The following TUBB1 variants were observed in gnomAD, a reference collection of about 807,000 sequenced individuals.
TUBB1 encodes tubulin beta 1 class VI.
In TUBB1, 28 loss-of-function variants were observed where a neutral mutation model predicts 22.6. The observed-to-expected ratio is 1.24, with a 90% CI of 0.92 to 1.70. TUBB1 has a LOEUF of 1.70. Among genes scored for constraint, TUBB1 ranks in the 40% most tolerant of loss-of-function variants. The pLI is 0.00. For missense variants in TUBB1, 577 were observed against 605.5 expected (o/e 0.95, Z 0.49); for synonymous variants, 226 against 238.0 (o/e 0.95, Z 0.46).
chr20:59,020,426 T>A (rs1027105027), intron 1 of TUBB1, among the ~76,000 whole-genome samples: 1 of 152,234 alleles, frequency 6.6e-6, no homozygotes, highest in East Asian at 1.9e-4. Flanking sequence ...TCAGGTGATG[T>A]GCCCGCCTGG....
At position 59,025,119 on chromosome 20, in the gene TUBB1, G is replaced by A. The variant is rs370550094; in HGVS notation, c.*336G>A. Reference sequence around the variant, plus strand: ...TGTGGATTTGCAGGGAGCCACTGGAGTTGGTGTTACATTTTTATACTTTAG... The same window carrying A: ...TGTGGATTTGCAGGGAGCCACTGGAATTGGTGTTACATTTTTATACTTTAG... On this transcript the variant is annotated 3_prime_UTR_variant, in exon 4 of 4. Transcript: ENST00000217133. 4 of 374,752 alleles carry A rather than the reference G, an allele frequency of 1.1e-5. No homozygotes were observed. The highest frequency in any genetic ancestry group is 6.3e-5 in the African/African-American group (3 of 47,946). 23.2% of individuals were successfully genotyped at this position (374,752 alleles called of 1,614,324 possible).
chr20:59,024,621 C>A lies in TUBB1; in HGVS notation c.1194C>A (p.Tyr398Ter). 4 of 1,614,162 alleles carry A rather than the reference C, an allele frequency of 2.5e-6. No individual in the cohort carries two copies. The highest frequency in any genetic ancestry group is 3.4e-6 in the Non-Finnish European group (4 of 1,180,032). The change falls in exon 4 of 4, where the codon TAC becomes TAA. Residue 398 changes from tyrosine to a stop codon, truncating the protein, a stop_gained. Coordinates refer to ENST00000217133, the MANE Select transcript of TUBB1 (RefSeq NM_030773.4). LOFTEE classifies it low-confidence loss of function (END_TRUNC). The surrounding 1 kb of genome is among the most constrained non-coding windows in gnomAD (Gnocchi z 4.9). ...MFKRKAFVHW[Y>*]TSEGMDINEF... is the part of the protein sequence containing the mutation. ...AAAGGAAAGCTTTTGTGCACTGGTA[C>A]ACCAGCGAAGGGATGGACATAAACG...
Position 59,023,940 on chromosome 20 carries a change from T to C in TUBB1, c.513T>C (p.Pro171=). 6.2e-7 allele frequency: 1 copy of C among 1,614,182 alleles called. No individual in the cohort carries two copies. The part of the protein sequence containing the change: ...DRIMNSFSVM[P]SPKVSDTVVE... ...TCATGAATTCCTTCAGCGTCATGCC[T>C]TCTCCCAAGGTGTCGGACACTGTGG... Residue 171 remains proline (P), a synonymous_variant, in exon 4 of 4, where the codon CCT becomes CCC. Coordinates refer to ENST00000217133, the MANE Select transcript of TUBB1 (RefSeq NM_030773.4).
At chr20:59,019,146 G>A (rs1040384198), upstream of TUBB1, 12 of 300,580 alleles carry the variant, frequency 4.0e-5, no homozygotes, top group South Asian at 2.1e-4. Flanking sequence ...ATCATACCAC[G>A]GTCACTAGGG....
chr20:59,021,788 A>T (rs1327222536), intron 1 of TUBB1, among the ~76,000 whole-genome samples: 1 of 152,232 alleles, frequency 6.6e-6, no homozygotes, highest in Non-Finnish European at 1.5e-5. Flanking sequence ...TGAGGTCAGG[A>T]GTTTGAGACC....
Position 59,024,968 on chromosome 20 carries a change from T to A in TUBB1, c.*185T>A. 1 of 656,388 alleles carries A rather than the reference T, an allele frequency of 1.5e-6. No homozygotes were observed. The highest frequency in any genetic ancestry group is 2.7e-6 in the Non-Finnish European group (1 of 365,496). 40.7% of individuals were successfully genotyped at this position (656,388 alleles called of 1,614,324 possible). On this transcript the variant is annotated 3_prime_UTR_variant, in exon 4 of 4. Transcript: ENST00000217133. This position sits in a 1 kb window ranked among gnomAD's most constrained non-coding sequence, Gnocchi z 4.9. ...AGCAGCTGACAGGCATTAGGGTCTTTGCTGACATCTACTAACCTTGAAGAG... is the reference window on the plus strand; with the variant it reads ...AGCAGCTGACAGGCATTAGGGTCTTAGCTGACATCTACTAACCTTGAAGAG...
intron 1 of TUBB1, among the ~76,000 whole-genome samples, chr20:59,021,753 G>A (rs1041066669): frequency 6.6e-6 from 1 of 152,204 alleles, no homozygotes; most frequent in African/African-American, 2.4e-5. Context: ...CTAGCACTTT[G>A]GGAGGCCGAG....
chr20:59,016,514 A>G (rs2091946241), upstream of TUBB1, among the ~76,000 whole-genome samples: 1 of 152,144 alleles, frequency 6.6e-6, no homozygotes, highest in South Asian at 2.1e-4. Context: ...TGGGAAGATC[A>G]TGGAGCTGTC....
chr20:59,023,486 A>G lies in TUBB1; in HGVS notation c.167-4A>G, dbSNP rs111665712. ...GGCTGACTTTTTCCTATTTTTCTAC[A>G]CAGGTAGGAAATATGTGCCCCGAGC... On this transcript the variant is annotated splice_polypyrimidine_tract_variant and splice_region_variant and intron_variant, in intron 2 of 3. Transcript: ENST00000217133. The G allele has an allele frequency of 6.2e-7, 1 of 1,612,774 alleles. No homozygotes were observed. The highest frequency in any genetic ancestry group is 8.5e-7 in the Non-Finnish European group (1 of 1,178,932).
Position 59,019,594 on chromosome 20 carries a change from G to T in TUBB1, c.57+15G>T. 6.2e-7 allele frequency: 1 copy of T among 1,613,980 alleles called. No individual in the cohort carries two copies. Among genetic ancestry groups the T allele is most frequent in the Non-Finnish European group, 8.5e-7 (1 of 1,179,874 alleles). On this transcript the variant is annotated intron_variant, in intron 1 of 3. Coordinates refer to ENST00000217133, the MANE Select transcript of TUBB1 (RefSeq NM_030773.4). The stretch of plus-strand genomic sequence containing the variant: ...TCGGAGCCAAGGTAAGTAATGTCTG[G>T]TTACTAATCCTAGCTTTACCACAGT...
At chr20:59,023,349 T>C (rs1026918990) in intron 2 of TUBB1, 141 bp from the exon 3 acceptor site, 1 of 737,566 alleles carries the variant, frequency 1.4e-6, no homozygotes, top group Non-Finnish European at 2.4e-6. Context: ...TGATGTTAGA[T>C]ACTCAAATCT....
At chr20:59,023,671 T>G (rs749260504) in intron 3 of TUBB1, 34 bp from the exon 4 acceptor site, 1 of 1,614,114 alleles carries the variant, frequency 6.2e-7, no homozygotes, top group Admixed American at 1.7e-5. Flanking sequence ...CTTTTCACCT[T>G]TCTTCCCCTG....
rs1451867657 is a variant in TUBB1, at chr20:59,023,927, T to G, written c.500T>G (p.Phe167Cys). ...TACCCGGACCGGATCATGAATTCCT[T>G]CAGCGTCATGCCTTCTCCCAAGGTG... ...EEYPDRIMNS[F>C]SVMPSPKVSD... The change falls in exon 4 of 4, where the codon TTC (phenylalanine) becomes TGC (cysteine). Residue 167 changes from phenylalanine to cysteine, a missense_variant. Coordinates refer to ENST00000217133, the MANE Select transcript of TUBB1 (RefSeq NM_030773.4). 6.2e-7 allele frequency: 1 copy of G among 1,614,188 alleles called. No individual in the cohort carries two copies. Among genetic ancestry groups the G allele is most frequent in the Non-Finnish European group, 8.5e-7 (1 of 1,180,040 alleles).
chr20:59,019,770 TTAAC>T (rs542259945), intron 1 of TUBB1, among the ~76,000 whole-genome samples, 191 bp downstream of exon 1: 9 of 152,210 alleles, frequency 5.9e-5, no homozygotes, highest in Non-Finnish European at 1.3e-4. Context: ...GAAACAATCT[TTAAC>T]TAAAGAGCTA....
At position 59,024,766 on chromosome 20, in the gene TUBB1, GAAGAT is replaced by G. The variant is rs764519569; in HGVS notation, c.1343_1347del (p.Asp448GlyfsTer70). The G allele has an allele frequency of 4.3e-6, 7 of 1,614,160 alleles. No homozygotes were observed. Among genetic ancestry groups the G allele is most frequent in the South Asian group, 1.1e-5 (1 of 91,074 alleles). On this transcript the variant is annotated frameshift_variant, in exon 4 of 4. Coordinates refer to ENST00000217133, the MANE Select transcript of TUBB1 (RefSeq NM_030773.4). LOFTEE classifies it low-confidence loss of function (END_TRUNC). This position sits in a 1 kb window ranked among gnomAD's most constrained non-coding sequence, Gnocchi z 4.9. ...CACGGAGGAGGCAGAAATGGAGCCA[GAAGAT>G]AAGGGACATTAACTGTGAGAGAAGC... is the stretch of plus-strand genomic sequence containing the variant.
At chr20:59,018,297 G>A (rs756013429), upstream of TUBB1, among the ~76,000 whole-genome samples, 8 of 152,176 alleles carry the variant, frequency 5.3e-5, no homozygotes, top group East Asian at 1.9e-4. Flanking sequence ...GGCTTTCGAC[G>A]ATGATAGAAA....
chr20:59,024,818 G>C lies in TUBB1; in HGVS notation c.*35G>C, dbSNP rs761089676. 16 of 1,601,442 alleles carry C rather than the reference G, an allele frequency of 1.0e-5. No homozygotes were observed. Among genetic ancestry groups the C allele is most frequent in the Non-Finnish European group, 1.4e-5 (16 of 1,168,850 alleles). ...AAGCTGTGCCGCGGAGTCGCTTACA[G>C]AACAGTTTCTCATTAGATGAGTGTT... is the stretch of plus-strand genomic sequence containing the variant. On this transcript the variant is annotated 3_prime_UTR_variant, in exon 4 of 4. Coordinates refer to ENST00000217133, the MANE Select transcript of TUBB1 (RefSeq NM_030773.4). The surrounding 1 kb of genome is among the most constrained non-coding windows in gnomAD (Gnocchi z 4.9).
At chr20:59,022,823 C>T (rs745601222) in intron 1 of TUBB1, 22 bp from the exon 2 acceptor site, 13 of 1,611,856 alleles carry the variant, frequency 8.1e-6, no homozygotes, top group Admixed American at 1.7e-5. Flanking sequence ...TCCGTTTACT[C>T]TGACCTTCCT....
At chr20:59,019,862 C>T (rs373589738) in intron 1 of TUBB1, among the ~76,000 whole-genome samples, 22 of 152,064 alleles carry the variant, frequency 1.4e-4, no homozygotes, top group East Asian at 7.7e-4. Context: ...CAATACATGC[C>T]GACCATTATA....
Sources: gnomAD v4.1 joint callset for allele counts (sites outside exome capture counted in the v4.1 genomes callset) on GRCh38, gnomAD v4.1.1 for gene constraint, Gnocchi (gnomAD v3.1) non-coding constraint, MANE v1.5 for transcripts, NCBI Gene and HGNC (gene_info 2026-07-23, HGNC 2026-07-21) for gene names.